KAZN: variants seen among roughly 807,000 people sequenced by gnomAD.
KAZN encodes kazrin, periplakin interacting protein.
KAZN carries 40 observed loss-of-function variants against 87.4 expected under a neutral mutation model. The ratio of observed to expected loss-of-function variants is 0.46; its 90% confidence interval spans 0.36 to 0.60. The LOEUF (loss-of-function observed/expected upper bound fraction) is 0.60. Ranked by LOEUF, KAZN falls within the 20% of genes least tolerant of loss-of-function variation. The pLI, the probability that KAZN is intolerant of heterozygous loss-of-function variation, is 0.00. For missense variants in KAZN, 898 were observed against 1,073.9 expected (o/e 0.84, Z 2.29); for synonymous variants, 466 against 458.3 (o/e 1.02, Z -0.22).
chr1:14,766,487 A>G (rs1644888038), intron 1 of KAZN, among the ~76,000 whole-genome samples: 1 of 151,808 alleles, frequency 6.6e-6, no homozygotes, highest in Non-Finnish European at 1.5e-5. Context: ...GCAGGAAGAG[A>G]AAAGAAAGAA....
upstream of KAZN, among the ~76,000 whole-genome samples, chr1:14,595,289 A>G (rs1676422819): frequency 6.6e-6 from 1 of 152,192 alleles, no homozygotes; most frequent in South Asian, 2.1e-4. Flanking sequence ...CCATTGTGGA[A>G]AACATATTAG....
rs1228527811 is a variant in KAZN, at chr1:14,184,778, C to G, written c.249+4186C>G. On this transcript the variant is annotated intron_variant, in intron 2 of 16. Coordinates refer to the KAZN transcript ENST00000636203. The surrounding 1 kb of genome is among the most constrained non-coding windows in gnomAD (Gnocchi z 4.2). The stretch of plus-strand genomic sequence containing the variant: ...GTGTGGACCAGAGGAAACCTTGGCT[C>G]AGGTTCCTGGCAGATAGGGAGGGTT... Among the ~76,000 whole-genome samples the G allele has an allele frequency of 2.0e-5, 3 of 152,178 alleles. No homozygotes were observed. The highest frequency in any genetic ancestry group is 2.0e-4 in the Admixed American group (3 of 15,276).
chr1:14,604,076 G>A (rs1677176789), intron 1 of KAZN, among the ~76,000 whole-genome samples: 2 of 152,116 alleles, frequency 1.3e-5, no homozygotes, highest in Non-Finnish European at 2.9e-5. Context: ...CTTACCCCCT[G>A]CCATATATCA....
At chr1:15,032,880 C>T (rs1168449153) in intron 2 of KAZN, among the ~76,000 whole-genome samples, 3 of 151,358 alleles carry the variant, frequency 2.0e-5, no homozygotes, top group Admixed American at 6.6e-5. Context: ...ACCCGGGAGG[C>T]GGAGATTGCA....
intron 13 of KAZN, among the ~76,000 whole-genome samples, chr1:15,109,814 ATGTG>A (rs1425479384): frequency 7.3e-6 from 1 of 137,750 alleles, no homozygotes; most frequent in Non-Finnish European, 1.6e-5. Context: ...TGTGTGTTGT[ATGTG>A]TATGTATGTG....
At chr1:14,124,326 C>T (rs1570795143) in intron 1 of KAZN, 2 of 152,164 alleles carry the variant, frequency 1.3e-5, no homozygotes, top group Admixed American at 6.5e-5. Context: ...TATGTACTGC[C>T]GAAGCTAGCC....
chr1:14,664,353 A>C (rs1005939287), intron 1 of KAZN, among the ~76,000 whole-genome samples: 33 of 152,064 alleles, frequency 2.2e-4, no homozygotes, highest in African/African-American at 7.7e-4. Flanking sequence ...GAATTGCTTA[A>C]ACCTGGGGGG....
intron 1 of KAZN, among the ~76,000 whole-genome samples, chr1:13,936,587 C>G (rs571694073): frequency 6.6e-6 from 1 of 152,136 alleles, no homozygotes; most frequent in Non-Finnish European, 1.5e-5. Flanking sequence ...CCATGTGTAC[C>G]CATTGTTTAG....
In KAZN at chr1:14,828,486, G is replaced by T. The variant is rs75457422; in HGVS notation, c.227-132198G>T. ...TAGATCCTTCCTGGCCTAAGAGGAGGGTGCATGAGCTCTGGGATTGATTCT... is the reference window on the plus strand; with the variant it reads ...TAGATCCTTCCTGGCCTAAGAGGAGTGTGCATGAGCTCTGGGATTGATTCT... On this transcript the variant is annotated intron_variant, in intron 1 of 14. Transcript: ENST00000376030. Among the ~76,000 whole-genome samples the T allele has an allele frequency of 5.7e-3, 869 of 152,260 alleles. 20 individuals are homozygous for T. Among genetic ancestry groups the T allele is most frequent in the African/African-American group, 0.02 (827 of 41,560 alleles).
At chr1:14,616,129 T>C (rs542513972) in intron 1 of KAZN, among the ~76,000 whole-genome samples, 2 of 152,350 alleles carry the variant, frequency 1.3e-5, no homozygotes, top group South Asian at 4.1e-4. Context: ...CAGCCTCATC[T>C]GGTCTTTACT....
chr1:14,328,739 T>A (rs1171374399), intron 2 of KAZN, among the ~76,000 whole-genome samples: 1 of 48,594 alleles, frequency 2.1e-5, no homozygotes, highest in Admixed American at 3.0e-4. Context: ...TAAGAAGACA[T>A]CCCTAACTGA....
At chr1:14,096,746 A>G (rs1278240093) in intron 1 of KAZN, among the ~76,000 whole-genome samples, 1 of 152,230 alleles carries the variant, frequency 6.6e-6, no homozygotes, top group Non-Finnish European at 1.5e-5. Context: ...TGAGGTTCTC[A>G]GACTCTGGAG....
intron 1 of KAZN, among the ~76,000 whole-genome samples, chr1:14,086,884 A>G (rs933354276): frequency 2.0e-5 from 3 of 152,176 alleles, no homozygotes; most frequent in East Asian, 1.9e-4. Flanking sequence ...ATTTGTAGAC[A>G]CTGTCTTCTG....
chr1:15,009,967 T>G lies in KAZN; in HGVS notation c.419-24782T>G, dbSNP rs528225268. ...GAAACATAACCTCCAAACTATCATC[T>G]CACTTGAAAAAATGATCAGATACTG... On this transcript the variant is annotated intron_variant, in intron 2 of 14. Transcript: ENST00000376030. Among the ~76,000 whole-genome samples, 4 of 152,250 alleles carry G rather than the reference T, an allele frequency of 2.6e-5. No homozygotes were observed. The East Asian group carries it at 7.7e-4, about 29-fold the overall frequency.
At position 14,412,940 on chromosome 1, in the gene KAZN, T is replaced by C. The variant is rs140266535; in HGVS notation, c.250-186043T>C. ...GAAATAGGATGCTCAGATTTAATCC[T>C]ATATATAATACATAAATATATAAAA... is the stretch of plus-strand genomic sequence containing the variant. On this transcript the variant is annotated intron_variant, in intron 2 of 16. Transcript: ENST00000636203. Among the ~76,000 whole-genome samples, 7 of 149,336 alleles carry C rather than the reference T, an allele frequency of 4.7e-5. No homozygotes were observed. The East Asian group carries it at 1.4e-3, about 29-fold the overall frequency.
At chr1:14,727,518 T>C (rs1480255928) in intron 1 of KAZN, among the ~76,000 whole-genome samples, 3 of 137,594 alleles carry the variant, frequency 2.2e-5, no homozygotes, top group Non-Finnish European at 4.6e-5. Flanking sequence ...TTGCTCTTGT[T>C]GTCCAGGCTG....
At chr1:14,677,069 A>C (rs895436727) in intron 1 of KAZN, among the ~76,000 whole-genome samples, 6 of 152,160 alleles carry the variant, frequency 3.9e-5, no homozygotes, top group Admixed American at 1.3e-4. Context: ...ATATTCTAGC[A>C]TTTATTTAGT....
chr1:14,291,813 C>T (rs960304812), intron 2 of KAZN, among the ~76,000 whole-genome samples: 4 of 152,186 alleles, frequency 2.6e-5, no homozygotes, highest in Admixed American at 1.3e-4. Context: ...ATTTGGCCAT[C>T]TTGGAACGAA....
chr1:14,828,568 C>T (rs186554601), intron 1 of KAZN, among the ~76,000 whole-genome samples: 103 of 152,258 alleles, frequency 6.8e-4, no homozygotes, highest in Admixed American at 3.1e-3. Flanking sequence ...GGGGCAGCCA[C>T]GTTGGCAATT....
Sources: allele counts gnomAD v4.1 joint callset (sites outside exome capture counted in the v4.1 genomes callset), GRCh38; gene constraint gnomAD v4.1.1; non-coding constraint Gnocchi (gnomAD v3.1); transcripts MANE v1.5; gene names NCBI Gene and HGNC (gene_info 2026-07-23, HGNC 2026-07-21).